UGT1A10: variants seen among roughly 807,000 people sequenced by gnomAD.
UGT1A10 encodes UDP-glucuronosyltransferase 1A10.
In UGT1A10, 49 loss-of-function variants were observed where a neutral mutation model predicts 45.8. The ratio of observed to expected loss-of-function variants is 1.07; its 90% CI spans 0.85 to 1.36. The LOEUF (loss-of-function observed/expected upper bound fraction) is 1.36. UGT1A10 is among the 40% of genes most tolerant of loss of function. The pLI is 0.00. For synonymous variants in UGT1A10, 284 were observed against 249.7 expected (o/e 1.14, Z -1.29); for missense variants, 745 against 668.6 (o/e 1.11, Z -1.26).
At chr2:233,753,773 C>G (rs1417094785) in intron 1 of UGT1A10, 1 of 152,234 alleles carries the variant, frequency 6.6e-6, no homozygotes, top group East Asian at 1.9e-4. Flanking sequence ...TTTGGAAACG[C>G]TTTTCTTTAC....
chr2:233,746,487 A>G (rs758052145), intron 1 of UGT1A10, among the ~76,000 whole-genome samples: 10 of 151,792 alleles, frequency 6.6e-5, no homozygotes, highest in Middle Eastern at 3.2e-3. Context: ...TTCCATGGAC[A>G]TGTCACTCTT....
chr2:233,756,450 A>G (rs1426774092), intron 1 of UGT1A10: 1 of 152,082 alleles, frequency 6.6e-6, no homozygotes. Flanking sequence ...TTCCCCCCAA[A>G]TATTTTCAAT....
At chr2:233,701,926 T>G (rs1413982400) in intron 1 of UGT1A10, among the ~76,000 whole-genome samples, 2 of 151,800 alleles carry the variant, frequency 1.3e-5, no homozygotes, top group African/African-American at 4.8e-5. Flanking sequence ...AACATCACAA[T>G]TAAAAGAACT....
At chr2:233,644,742 G>A (rs1173543105) in intron 1 of UGT1A10, among the ~76,000 whole-genome samples, 1 of 151,774 alleles carries the variant, frequency 6.6e-6, no homozygotes, top group Non-Finnish European at 1.5e-5. Flanking sequence ...TGTGGGTTCA[G>A]GGGGTTGGGT....
At chr2:233,645,967 G>A (rs549915541) in intron 1 of UGT1A10, among the ~76,000 whole-genome samples, 93 of 152,346 alleles carry the variant, frequency 6.1e-4, no homozygotes, top group Non-Finnish European at 1.2e-3. Context: ...TTCTCTGTGA[G>A]GGTCCTGCCC....
intron 1 of UGT1A10, among the ~76,000 whole-genome samples, chr2:233,661,995 G>C (rs571765797): frequency 2.0e-5 from 3 of 152,180 alleles, no homozygotes; most frequent in Admixed American, 6.5e-5. Flanking sequence ...CTCACACGGC[G>C]TACTGAGTGG....
chr2:233,642,784 A>G (rs571716186), intron 1 of UGT1A10, among the ~76,000 whole-genome samples: 53 of 152,316 alleles, frequency 3.5e-4, no homozygotes, highest in Middle Eastern at 3.4e-3. Flanking sequence ...TATTGCCTTG[A>G]TGGTCTTGGA....
At position 233,637,087 on chromosome 2, in the gene UGT1A10, T is replaced by A. The variant is rs138189938; in HGVS notation, c.565T>A (p.Tyr189Asn). The stretch of plus-strand genomic sequence containing the variant: ...TGCACAGTGCCCTGCTCCTCTTTCC[T>A]ATGTCCCCAATGATCTCTTAGGGTT... ...EGAQCPAPLS[Y>N]VPNDLLGFSD... The change falls in exon 1 of 5, where the codon TAT becomes AAT. Residue 189 changes from tyrosine (Y) to asparagine (N), a missense_variant. Tyr to Asn is a moderately radical substitution (Grantham distance 143). Coordinates refer to ENST00000344644, the MANE Select transcript of UGT1A10 (RefSeq NM_019075.4). The A allele has an allele frequency of 5.0e-6, 8 of 1,613,962 alleles. No homozygotes were observed. Among genetic ancestry groups the A allele is most frequent in the Non-Finnish European group, 6.8e-6 (8 of 1,179,868 alleles).
At chr2:233,772,241 C>T (rs200350292) in intron 4 of UGT1A10, 21 bp from the exon 5 acceptor site, 139 of 1,614,076 alleles carry the variant, frequency 8.6e-5, no homozygotes, top group Admixed American at 1.2e-4. Flanking sequence ...CCAGGCATAA[C>T]GAAACTGTCT....
intron 4 of UGT1A10, chr2:233,771,576 T>C (rs1332686610): frequency 6.6e-6 from 1 of 152,308 alleles, no homozygotes; most frequent in Admixed American, 6.5e-5. Flanking sequence ...GGTGGTTGTT[T>C]ACAACTTCAA....
At chr2:233,731,656 T>G (rs62191916) in intron 1 of UGT1A10, among the ~76,000 whole-genome samples, 12,108 of 152,302 alleles carry the variant, frequency 0.079, 643 homozygotes, top group East Asian at 0.2. Context: ...GGTGTATATG[T>G]GCCACATTTT....
chr2:233,714,370 A>C (rs778374945), intron 1 of UGT1A10, among the ~76,000 whole-genome samples: 6 of 152,228 alleles, frequency 3.9e-5, no homozygotes, highest in African/African-American at 9.6e-5. Context: ...AAGTTGACTC[A>C]GTTCAGTGGA....
chr2:233,698,030 A>AT (rs1256116302), intron 1 of UGT1A10, among the ~76,000 whole-genome samples: 4 of 152,048 alleles, frequency 2.6e-5, no homozygotes, highest in Admixed American at 6.6e-5. Context: ...CAATTATCTT[A>AT]TTTTTTCAAA....
Position 233,731,393 on chromosome 2 carries a change from G to A in UGT1A10, c.856-35641G>A, listed in dbSNP as rs558248956. Among the ~76,000 whole-genome samples the A allele has an allele frequency of 1.5e-3, 233 of 151,488 alleles. 2 individuals are homozygous for A. Among genetic ancestry groups the A allele is most frequent in the African/African-American group, 5.3e-3 (218 of 41,268 alleles). On this transcript the variant is annotated intron_variant, in intron 1 of 4. Coordinates refer to ENST00000344644, the MANE Select transcript of UGT1A10 (RefSeq NM_019075.4). ...GTTGGTTTCCTGCACCCACCAACTC[G>A]TCATTTACATTAGGTATTTTTCCTA...
At chr2:233,764,870 C>A (rs17868342) in intron 1 of UGT1A10, among the ~76,000 whole-genome samples, 19,813 of 151,898 alleles carry the variant, frequency 0.13, 1,414 homozygotes, top group East Asian at 0.2. Context: ...TAGATGAGCC[C>A]AAGGGAAAAG....
chr2:233,761,925 G>C (rs1697902891), intron 1 of UGT1A10, among the ~76,000 whole-genome samples: 1 of 152,224 alleles, frequency 6.6e-6, no homozygotes, highest in Admixed American at 6.5e-5. Flanking sequence ...GGCAGCCCAG[G>C]CACTTCCCAG....
At chr2:233,652,580 T>A (rs2073766369) in intron 1 of UGT1A10, among the ~76,000 whole-genome samples, 1 of 152,216 alleles carries the variant, frequency 6.6e-6, no homozygotes, top group East Asian at 1.9e-4. Context: ...TCACTCATAA[T>A]GCATAATGAA....
chr2:233,750,471 A>G (rs759933129), intron 1 of UGT1A10: 1 of 152,038 alleles, frequency 6.6e-6, no homozygotes, highest in African/African-American at 2.4e-5. Context: ...AATACTGGCT[A>G]TAGAAATTTG....
At chr2:233,672,724 C>T in intron 1 of UGT1A10, 1 of 1,613,932 alleles carries the variant, frequency 6.2e-7, no homozygotes, top group Non-Finnish European at 8.5e-7. Context: ...CTATCCCAAA[C>T]CCGTGATGCC....
Sources: gnomAD v4.1 joint callset for allele counts (sites outside exome capture counted in the v4.1 genomes callset) on GRCh38, gnomAD v4.1.1 for gene constraint, MANE v1.5 for transcripts, NCBI Gene and HGNC (gene_info 2026-07-23, HGNC 2026-07-21) for gene names.